Variants in RHPN1 observed in about 807,000 individuals in gnomAD.
The protein encoded by RHPN1 is rhophilin Rho GTPase binding protein 1.
In RHPN1, 77 loss-of-function variants were observed where a neutral mutation model predicts 74.7. The ratio of observed to expected loss-of-function variants is 1.03; its 90% CI spans 0.86 to 1.25. The LOEUF (loss-of-function observed/expected upper bound fraction) is 1.25. Ranked by LOEUF, RHPN1 falls within the 50% of genes most tolerant of loss-of-function variation. The pLI, the probability that RHPN1 is intolerant of heterozygous loss-of-function variation, is 0.00. For synonymous variants in RHPN1, 444 were observed against 414.5 expected (o/e 1.07, Z -0.87); for missense variants, 987 against 932.2 (o/e 1.06, Z -0.77).
At chr8:143,371,727 A>G (rs1006656977) in intron 1 of RHPN1, among the ~76,000 whole-genome samples, 1 of 152,172 alleles carries the variant, frequency 6.6e-6, no homozygotes, top group East Asian at 1.9e-4. Context: ...CCCACAGACC[A>G]CAGCCTCTCT....
intron 5 of RHPN1, 76 bp from the exon 6 acceptor site, chr8:143,378,620 C>T (rs1818456439): frequency 3.3e-6 from 5 of 1,521,902 alleles, no homozygotes; most frequent in African/African-American, 2.7e-5. Flanking sequence ...GTGCTGGTGC[C>T]CATGGGACTT....
At chr8:143,376,470 G>A (rs1395891957) in intron 2 of RHPN1, 55 bp from the exon 3 acceptor site, 38 of 1,597,642 alleles carry the variant, frequency 2.4e-5, no homozygotes, top group East Asian at 4.5e-5. Flanking sequence ...CAGTGGGCAC[G>A]GGGCCTTTGG....
Position 143,379,862 on chromosome 8 carries a change from A to G in RHPN1, c.979A>G (p.Met327Val), listed in dbSNP as rs985452493. 5 of 1,611,012 alleles carry G rather than the reference A, an allele frequency of 3.1e-6. No individual in the cohort carries two copies. Among genetic ancestry groups the G allele is most frequent in the Admixed American group, 1.7e-5 (1 of 59,830 alleles). ...CGAGTACAGGCTAGTGCACCGGACCATGGCCCAGCCACCCGTCCACGACTA... is the reference window on the plus strand; with the variant it reads ...CGAGTACAGGCTAGTGCACCGGACCGTGGCCCAGCCACCCGTCCACGACTA... ...AAEYRLVHRTMAQPPVHDYVP... is the reference protein window; with the variant it reads ...AAEYRLVHRTVAQPPVHDYVP... Residue 327 changes from methionine (M) to valine (V), a missense_variant, in exon 9 of 15, where the codon ATG becomes GTG. By Grantham distance (21) the Met-to-Val change is conservative. Transcript: ENST00000289013.
In RHPN1 at chr8:143,378,285, A is replaced by C; in HGVS notation, c.398A>C (p.His133Pro). ...STPLKELISVHFGEDGASYEA... is the reference protein window; with the variant it reads ...STPLKELISVPFGEDGASYEA... ...CCCCATCAGGAGCTGATCTCAGTGCACTTTGGAGAGGACGGCGCCTCCTAC... is the reference window on the plus strand; with the variant it reads ...CCCCATCAGGAGCTGATCTCAGTGCCCTTTGGAGAGGACGGCGCCTCCTAC... Residue 133 changes from histidine to proline, a missense_variant, in exon 5 of 15, where the codon CAC (histidine) becomes CCC (proline). Coordinates refer to ENST00000289013, the MANE Select transcript of RHPN1 (RefSeq NM_052924.3). The C allele has an allele frequency of 1.3e-6, 2 of 1,575,116 alleles. No individual in the cohort carries two copies. The highest frequency in any genetic ancestry group is 8.6e-7 in the Non-Finnish European group (1 of 1,160,670).
intron 3 of RHPN1, among the ~76,000 whole-genome samples, 164 bp from the exon 4 acceptor site, chr8:143,377,216 G>A (rs1333646227): frequency 6.6e-6 from 1 of 152,202 alleles, no homozygotes. Context: ...AGGACGGTGG[G>A]GGGTGGTGCA....
chr8:143,377,320 G>A lies in RHPN1; in HGVS notation c.306-60G>A, dbSNP rs1818347229. 5.0e-6 allele frequency: 7 copies of A among 1,397,182 alleles called. No individual in the cohort carries two copies. The Admixed American group carries it at 5.2e-5, about 10-fold the overall frequency. 86.5% of individuals were successfully genotyped at this position (1,397,182 alleles called of 1,614,324 possible). On this transcript the variant is annotated intron_variant, in intron 3 of 14. Transcript: ENST00000289013. ...CCACAGAGCCCTAGGAGTGGACCCC[G>A]GGCTGCCGTGGGCAGCAGGGTTTGG...
chr8:143,369,096 C>T, intron 1 of RHPN1, 49 bp downstream of exon 1: 2 of 1,383,528 alleles, frequency 1.4e-6, no homozygotes, highest in Non-Finnish European at 1.9e-6. Flanking sequence ...GAATCCCGGC[C>T]TTTTCCTGCC....
At chr8:143,379,615 C>G in intron 8 of RHPN1, 107 bp downstream of exon 8, 1 of 1,451,676 alleles carries the variant, frequency 6.9e-7, no homozygotes, top group South Asian at 1.4e-5. Context: ...TGTGTGTCAG[C>G]CCCGAGCCAG....
chr8:143,381,272 G>A lies in RHPN1; in HGVS notation c.1416G>A (p.Lys472=). The A allele has an allele frequency of 6.2e-7, 1 of 1,612,906 alleles. No homozygotes were observed. Among genetic ancestry groups the A allele is most frequent in the Non-Finnish European group, 8.5e-7 (1 of 1,179,512 alleles). Residue 472 remains lysine, a synonymous_variant, in exon 12 of 15, where the codon AAG becomes AAA. Transcript: ENST00000289013. Reference sequence around the variant, plus strand: ...TCTGCTCTTACACCCTCTCAGCTAAGACCCACCAGAAGCCAGAGGCCAGGA... The same window carrying A: ...TCTGCTCTTACACCCTCTCAGCTAAAACCCACCAGAAGCCAGAGGCCAGGA... ...EAAEAPDIQP[K]THQKPEARMP...
intron 9 of RHPN1, 24 bp from the exon 10 acceptor site, chr8:143,380,038 G>C: frequency 6.5e-7 from 1 of 1,546,668 alleles, no homozygotes; most frequent in South Asian, 1.2e-5. Context: ...CCCGCGCAGG[G>C]CTCACAGCCT....
At chr8:143,369,185 G>A (rs1817666643) in intron 1 of RHPN1, 138 bp downstream of exon 1, 1 of 603,564 alleles carries the variant, frequency 1.7e-6, no homozygotes, top group African/African-American at 2.0e-5. Flanking sequence ...TGAGGCCAGA[G>A]CCTGCGTCCC....
chr8:143,379,578 A>G, intron 8 of RHPN1, 70 bp downstream of exon 8: 1 of 1,476,812 alleles, frequency 6.8e-7, no homozygotes, highest in Admixed American at 2.3e-5. Flanking sequence ...AGGTCCAGGC[A>G]TGCGTGAGCT....
upstream of RHPN1, among the ~76,000 whole-genome samples, chr8:143,366,190 G>C (rs1817553522): frequency 6.6e-6 from 1 of 151,950 alleles, no homozygotes; most frequent in African/African-American, 2.4e-5. Context: ...AGCCCCATCA[G>C]CAATTATCAC....
intron 5 of RHPN1, 50 bp downstream of exon 5, chr8:143,378,396 T>C (rs1818436730): frequency 2.6e-6 from 3 of 1,149,376 alleles, no homozygotes; most frequent in South Asian, 1.3e-5. Context: ...GGGAGACACA[T>C]GCGGAGGCTG....
intron 1 of RHPN1, among the ~76,000 whole-genome samples, chr8:143,371,224 G>A (rs1817800703): frequency 6.6e-6 from 1 of 152,178 alleles, no homozygotes; most frequent in Non-Finnish European, 1.5e-5. Context: ...GTGCAGCAAT[G>A]CCCTTTGAAT....
chr8:143,381,356 C>T lies in RHPN1; in HGVS notation c.1488+12C>T, dbSNP rs1278403497. ...TCTTCCATCGGCTGGTGAGCACACC[C>T]GTCCCCAGGCACCGCCCAGCATGGG... On this transcript the variant is annotated intron_variant, in intron 12 of 14. Transcript: ENST00000289013. 10 of 1,600,756 alleles carry T rather than the reference C, an allele frequency of 6.2e-6. No individual in the cohort carries two copies. Among genetic ancestry groups the T allele is most frequent in the Middle Eastern group, 1.6e-4 (1 of 6,068 alleles).
chr8:143,377,114 GTC>G (rs1194183081), intron 3 of RHPN1, among the ~76,000 whole-genome samples: 1 of 151,918 alleles, frequency 6.6e-6, no homozygotes, highest in African/African-American at 2.4e-5. Flanking sequence ...GCGCATGTGT[GTC>G]TGCATGTGTA....
chr8:143,380,800 T>C lies in RHPN1; in HGVS notation c.1411+17T>C, dbSNP rs530405105. 60 of 1,523,424 alleles carry C rather than the reference T, an allele frequency of 3.9e-5. No homozygotes were observed. The South Asian group carries it at 6.2e-4, about 16-fold the overall frequency. 94.4% of individuals were successfully genotyped at this position (1,523,424 alleles called of 1,614,324 possible). On this transcript the variant is annotated intron_variant, in intron 11 of 14. Coordinates refer to ENST00000289013, the MANE Select transcript of RHPN1 (RefSeq NM_052924.3). ...ACATCCAGCGTGAGCAGCCAGGGCC[T>C]GTCTGGGTGGCTGCATCCCTGGCCA... is the stretch of plus-strand genomic sequence containing the variant.
chr8:143,374,047 A>T (rs1374592801), intron 1 of RHPN1: 9 of 898,388 alleles, frequency 1.0e-5, no homozygotes, highest in Non-Finnish European at 1.2e-5. Flanking sequence ...TCTGTCTAGG[A>T]AATCAAACCT....
Sources: gnomAD v4.1 joint callset for allele counts (sites outside exome capture counted in the v4.1 genomes callset) on GRCh38, gnomAD v4.1.1 for gene constraint, MANE v1.5 for transcripts, NCBI Gene and HGNC (gene_info 2026-07-23, HGNC 2026-07-21) for gene names.